Variants in MCHR2 observed in about 807,000 individuals in gnomAD.
The protein encoded by MCHR2 is melanin concentrating hormone receptor 2.
A neutral mutation model predicts 24.8 loss-of-function variants in MCHR2; 15 were observed. The observed-to-expected ratio is 0.60, with a 90% confidence interval of 0.40 to 0.93. MCHR2 has a LOEUF of 0.93. MCHR2 is among the 40% of genes least tolerant of loss of function. The probability of loss-of-function intolerance (pLI) is 0.00; values close to 1 mark genes in which losing one functional copy is unlikely to be tolerated. For missense variants in MCHR2, 386 were observed against 408.7 expected (o/e 0.94, Z 0.48); for synonymous variants, 151 against 147.6 (o/e 1.02, Z -0.17).
At chr6:99,961,606 A>C (rs1484426993) in intron 1 of MCHR2, among the ~76,000 whole-genome samples, 1 of 152,148 alleles carries the variant, frequency 6.6e-6, no homozygotes, top group Non-Finnish European at 1.5e-5. Context: ...TATCACAAGG[A>C]TAGAAAACCA....
chr6:99,923,194 G>C (rs1774275118), intron 5 of MCHR2, among the ~76,000 whole-genome samples: 1 of 151,972 alleles, frequency 6.6e-6, no homozygotes, highest in South Asian at 2.1e-4. Context: ...ATTGTTGACT[G>C]TTGGCATATG....
chr6:99,965,891 C>T (rs922967483), intron 1 of MCHR2, among the ~76,000 whole-genome samples: 5 of 152,090 alleles, frequency 3.3e-5, no homozygotes, highest in East Asian at 1.9e-4. Flanking sequence ...GAAGATAGCT[C>T]GCCACATGTG....
At chr6:99,974,610 C>T (rs934312914) in intron 1 of MCHR2, among the ~76,000 whole-genome samples, 9 of 152,334 alleles carry the variant, frequency 5.9e-5, no homozygotes, top group East Asian at 1.9e-4. Context: ...TAAGGAGCTG[C>T]GTTCCTTTGG....
intron 1 of MCHR2, among the ~76,000 whole-genome samples, chr6:99,976,111 G>A (rs770343659): frequency 5.9e-5 from 9 of 152,206 alleles, no homozygotes; most frequent in Admixed American, 2.0e-4. Flanking sequence ...AGATATGACA[G>A]CACATTACAA....
chr6:99,969,293 G>T (rs1775348561), intron 1 of MCHR2, among the ~76,000 whole-genome samples: 1 of 151,820 alleles, frequency 6.6e-6, no homozygotes, highest in African/African-American at 2.4e-5. Context: ...GGCCAACATG[G>T]TGAAACCCTC....
rs1247169813 is a variant in MCHR2, at chr6:99,919,203, T to C, written c.*1737A>G. ...CTAGACCTCAGCTATGGAAATAAAA[T>C]GTTTCAGATGCTACCTGTCTCAGTG... On this transcript the variant is annotated 3_prime_UTR_variant, in exon 6 of 6. Coordinates refer to ENST00000281806, the MANE Select transcript of MCHR2 (RefSeq NM_001040179.2). Among the ~76,000 whole-genome samples, 1 of 150,342 alleles carries C rather than the reference T, an allele frequency of 6.7e-6. No homozygotes were observed. Among genetic ancestry groups the C allele is most frequent in the Non-Finnish European group, 1.5e-5 (1 of 66,958 alleles).
At chr6:99,988,793 C>T (rs1482881252) in intron 1 of MCHR2, among the ~76,000 whole-genome samples, 4 of 152,196 alleles carry the variant, frequency 2.6e-5, no homozygotes, top group East Asian at 1.9e-4. Context: ...ATCTTTTTTA[C>T]GTGCATCTTC....
chr6:99,947,954 A>G lies in MCHR2; in HGVS notation c.200T>C (p.Val67Ala). The change falls in exon 3 of 6, where the codon GTC (valine) becomes GCC (alanine). Residue 67 changes from valine (V) to alanine (A), a missense_variant. Val to Ala is a moderately conservative substitution (Grantham distance 64). Transcript: ENST00000281806. ...FTIIRSRKKTVPDIYICNLAV... is the reference protein window; with the variant it reads ...FTIIRSRKKTAPDIYICNLAV... ...CAGGTTGCAGATATAGATGTCAGGG[A>G]CTGTTTTTTTCCTGGATCTGAAAGA... 1 of 1,613,482 alleles carries G rather than the reference A, an allele frequency of 6.2e-7. No individual in the cohort carries two copies. The highest frequency in any genetic ancestry group is 8.5e-7 in the Non-Finnish European group (1 of 1,179,680).
chr6:99,952,506 G>C (rs1318434807), intron 2 of MCHR2, among the ~76,000 whole-genome samples: 1 of 152,024 alleles, frequency 6.6e-6, no homozygotes, highest in African/African-American at 2.4e-5. Context: ...TACTGTAAAA[G>C]GAAAAGTCAT....
intron 1 of MCHR2, among the ~76,000 whole-genome samples, chr6:99,973,532 G>A (rs1464614575): frequency 1.3e-5 from 2 of 152,178 alleles, no homozygotes; most frequent in Non-Finnish European, 1.5e-5. Context: ...GCCAGTCTGT[G>A]TCTTTTAATT....
chr6:99,953,660 G>A (rs1582389476), intron 2 of MCHR2, among the ~76,000 whole-genome samples: 1 of 149,262 alleles, frequency 6.7e-6, no homozygotes, highest in African/African-American at 2.5e-5. Flanking sequence ...TTCCCCACTA[G>A]AATATGAACT....
intron 5 of MCHR2, among the ~76,000 whole-genome samples, 180 bp downstream of exon 5, chr6:99,934,218 T>G (rs1272070870): frequency 6.6e-6 from 1 of 152,126 alleles, no homozygotes; most frequent in Non-Finnish European, 1.5e-5. Flanking sequence ...CACTGAGAGA[T>G]TCTTAAGCAG....
At chr6:99,936,501 A>G (rs1238948389) in intron 4 of MCHR2, among the ~76,000 whole-genome samples, 1 of 151,816 alleles carries the variant, frequency 6.6e-6, no homozygotes, top group South Asian at 2.1e-4. Flanking sequence ...TGAGTTGGCT[A>G]TAAATGTGTG....
At chr6:99,941,410 C>T (rs2114519365) in intron 4 of MCHR2, among the ~76,000 whole-genome samples, 1 of 152,016 alleles carries the variant, frequency 6.6e-6, no homozygotes, top group South Asian at 2.1e-4. Flanking sequence ...CAGCTTGCTT[C>T]TATGCTGCCA....
intron 5 of MCHR2, among the ~76,000 whole-genome samples, chr6:99,931,241 CCCCTACTGGGGGGTG>C (rs1554193335): frequency 6.6e-6 from 1 of 152,162 alleles, no homozygotes; most frequent in Non-Finnish European, 1.5e-5. Flanking sequence ...TGTCAGTCTG[CCCCTACTGGGGGGTG>C]CCTCCCAGTT....
chr6:99,988,659 G>A (rs769864323), intron 1 of MCHR2, among the ~76,000 whole-genome samples: 4 of 151,740 alleles, frequency 2.6e-5, no homozygotes, highest in Non-Finnish European at 2.9e-5. Context: ...AAGGAAAAAC[G>A]AGATAATCAA....
intron 1 of MCHR2, among the ~76,000 whole-genome samples, chr6:99,991,925 G>A (rs377502038): frequency 6.6e-6 from 1 of 152,246 alleles, no homozygotes; most frequent in Admixed American, 6.5e-5. Flanking sequence ...GCATGAAGAA[G>A]GTTCTTCTTC....
intron 3 of MCHR2, 32 bp from the exon 4 acceptor site, chr6:99,943,175 A>G (rs757348067): frequency 4.1e-5 from 64 of 1,560,344 alleles, no homozygotes; most frequent in African/African-American, 5.4e-5. Context: ...GTTTTGGAAC[A>G]ATCAATAAAA....
intron 5 of MCHR2, among the ~76,000 whole-genome samples, chr6:99,927,894 A>G (rs1474750933): frequency 6.6e-6 from 1 of 152,070 alleles, no homozygotes; most frequent in Non-Finnish European, 1.5e-5. Context: ...GTGGTGAGAG[A>G]GGGCATCCCT....
Sources: gnomAD v4.1 joint callset for allele counts (sites outside exome capture counted in the v4.1 genomes callset) on GRCh38, gnomAD v4.1.1 for gene constraint, MANE v1.5 for transcripts, NCBI Gene and HGNC (gene_info 2026-07-23, HGNC 2026-07-21) for gene names.